SHISA9: variants seen among roughly 807,000 people sequenced by gnomAD.
The protein encoded by SHISA9 is shisa family member 9.
A neutral mutation model predicts 38.0 loss-of-function variants in SHISA9; 13 were observed. The observed-to-expected ratio is 0.34, with a 90% confidence interval of 0.22 to 0.54. SHISA9 has a LOEUF of 0.54. SHISA9 is among the 20% of genes least tolerant of loss of function. The probability of loss-of-function intolerance (pLI) is 0.91; values close to 1 mark genes in which losing one functional copy is unlikely to be tolerated. For missense variants in SHISA9, 538 were observed against 575.8 expected, an observed-to-expected ratio of 0.93 and a Z score of 0.67; for synonymous variants, 275 against 242.0, an observed-to-expected ratio of 1.14 and a Z score of -1.27.
intron 2 of SHISA9, among the ~76,000 whole-genome samples, chr16:13,015,791 ATTTC>A (rs1273868660): frequency 6.6e-5 from 10 of 151,118 alleles, no homozygotes; most frequent in Admixed American, 3.3e-4. Context: ...ACAAAGAGAA[ATTTC>A]TTTCTTTCTT....
At chr16:13,339,444 T>C in the SHISA9 span, among the ~76,000 whole-genome samples, 1 of 152,172 alleles carries the variant, frequency 6.6e-6, no homozygotes, top group African/African-American at 2.4e-5. Flanking sequence ...TCTGCTGTCT[T>C]AAATAACTAA....
chr16:13,015,853 C>CCTCT (rs1172121708), intron 2 of SHISA9, among the ~76,000 whole-genome samples: 4 of 98,632 alleles, frequency 4.1e-5, no homozygotes, highest in African/African-American at 1.5e-4. Context: ...TCTTTCTTTC[C>CCTCT]CTTTCTTTCT....
intron 2 of SHISA9, among the ~76,000 whole-genome samples, chr16:12,941,577 C>T (rs987374101): frequency 1.3e-5 from 2 of 152,088 alleles, no homozygotes; most frequent in African/African-American, 4.8e-5. Context: ...TAAAACTGTA[C>T]AATTAAATTA....
At chr16:13,260,156 A>G in the SHISA9 span, among the ~76,000 whole-genome samples, 3 of 150,988 alleles carry the variant, frequency 2.0e-5, no homozygotes, top group South Asian at 6.3e-4. Context: ...AGCTTAGACT[A>G]CAGGCACCCA....
chr16:13,111,786 T>G (rs2073980800), intron 2 of SHISA9, among the ~76,000 whole-genome samples: 1 of 152,230 alleles, frequency 6.6e-6, no homozygotes, highest in Non-Finnish European at 1.5e-5. Context: ...ATTTGGATTC[T>G]GTAAATGTGT....
the SHISA9 span, among the ~76,000 whole-genome samples, chr16:13,412,110 CA>C: frequency 0.022 from 3,398 of 152,194 alleles, 147 homozygotes; most frequent in African/African-American, 0.078. Context: ...AATGTAAGTA[CA>C]GAAAGGGACA....
chr16:13,106,455 C>G (rs2141962016), intron 2 of SHISA9, among the ~76,000 whole-genome samples: 1 of 152,228 alleles, frequency 6.6e-6, no homozygotes, highest in South Asian at 2.1e-4. Flanking sequence ...ATAATACCTA[C>G]CCAGGGTGTG....
chr16:13,127,988 A>G (rs1422390933), intron 2 of SHISA9, among the ~76,000 whole-genome samples: 2 of 152,238 alleles, frequency 1.3e-5, no homozygotes, highest in African/African-American at 4.8e-5. Context: ...TCTCTGGCTC[A>G]ATAGGCCCAC....
chr16:13,387,243 T>A, the SHISA9 span, among the ~76,000 whole-genome samples: 1 of 152,204 alleles, frequency 6.6e-6, no homozygotes, highest in Non-Finnish European at 1.5e-5. Flanking sequence ...AAATGTGACC[T>A]CATTTGGAAA....
the SHISA9 span, among the ~76,000 whole-genome samples, chr16:13,443,155 A>C: frequency 6.6e-6 from 1 of 152,222 alleles, no homozygotes; most frequent in Admixed American, 6.5e-5. Context: ...AAAAGTGGAA[A>C]ACAATGTTTC....
chr16:13,126,804 GAGAGAGAGAGAGAGCTGAGGGAAAGAA>G (rs2050261726), intron 2 of SHISA9, among the ~76,000 whole-genome samples: 2 of 128,656 alleles, frequency 1.6e-5, no homozygotes, highest in Non-Finnish European at 3.4e-5. Context: ...GAGGGGAGGA[GAGAGAGAGAGAGAGCTGAGGGAAAGAA>G]AGAGAGAGAG....
the SHISA9 span, among the ~76,000 whole-genome samples, chr16:13,389,011 C>A: frequency 6.6e-6 from 1 of 152,094 alleles, no homozygotes; most frequent in African/African-American, 2.4e-5. Context: ...ACACGCATAG[C>A]CTCCCCTGTC....
intron 2 of SHISA9, among the ~76,000 whole-genome samples, chr16:13,177,259 A>G (rs1414876609): frequency 6.6e-6 from 1 of 152,160 alleles, no homozygotes; most frequent in African/African-American, 2.4e-5. Flanking sequence ...CAGATTCTTC[A>G]TACCTTCTGG....
chr16:13,400,747 T>C, the SHISA9 span, among the ~76,000 whole-genome samples: 3 of 152,308 alleles, frequency 2.0e-5, no homozygotes, highest in African/African-American at 7.2e-5. Context: ...GGACAACCAG[T>C]TGTTGGATCA....
At chr16:13,243,390 A>C (rs2051449232), downstream of SHISA9, among the ~76,000 whole-genome samples, 1 of 152,172 alleles carries the variant, frequency 6.6e-6, no homozygotes, top group African/African-American at 2.4e-5. Context: ...ACATCAATCA[A>C]GTACATTTAA....
the SHISA9 span, among the ~76,000 whole-genome samples, chr16:13,511,807 G>C: frequency 6.6e-6 from 1 of 152,076 alleles, no homozygotes; most frequent in African/African-American, 2.4e-5. Flanking sequence ...GAGAGAGAGA[G>C]AGAAATCTGA....
intron 4 of SHISA9, among the ~76,000 whole-genome samples, chr16:13,216,790 C>G (rs191305843): frequency 6.6e-6 from 1 of 152,274 alleles, no homozygotes; most frequent in South Asian, 2.1e-4. Flanking sequence ...TAATGACTCC[C>G]TTTGGAGTGT....
intron 2 of SHISA9, among the ~76,000 whole-genome samples, chr16:13,027,940 A>C (rs938523072): frequency 1.8e-4 from 27 of 151,032 alleles, no homozygotes; most frequent in African/African-American, 6.1e-4. Context: ...AAACAAAAAA[A>C]AAAAAAAAAA....
chr16:13,483,775 A>G, the SHISA9 span, among the ~76,000 whole-genome samples: 1 of 152,164 alleles, frequency 6.6e-6, no homozygotes, highest in Non-Finnish European at 1.5e-5. Context: ...TCTTCTGGAT[A>G]ACTGAACATG....
Sources: allele counts gnomAD v4.1 joint callset (sites outside exome capture counted in the v4.1 genomes callset), GRCh38; gene constraint gnomAD v4.1.1; transcripts MANE v1.5; gene names NCBI Gene and HGNC (gene_info 2026-07-23, HGNC 2026-07-21).